Variants in SULT4A1 observed in about 807,000 individuals in gnomAD.
The protein encoded by SULT4A1 is sulfotransferase 4A1.
In SULT4A1, 11 loss-of-function variants were observed where a neutral mutation model predicts 35.2. The observed-to-expected ratio is 0.31, with a 90% confidence interval of 0.20 to 0.52. The LOEUF is 0.52. Among genes scored for constraint, SULT4A1 ranks in the 20% least tolerant of loss-of-function variants. The pLI, the probability that SULT4A1 is intolerant of heterozygous loss-of-function variation, is 0.97. For synonymous variants in SULT4A1, 152 were observed against 151.8 expected (o/e 1.00, Z -0.01); for missense variants, 271 against 383.7 (o/e 0.71, Z 2.45).
At chr22:43,848,689 G>A (rs1301293867) in intron 1 of SULT4A1, among the ~76,000 whole-genome samples, 2 of 152,214 alleles carry the variant, frequency 1.3e-5, no homozygotes, top group South Asian at 4.1e-4. Flanking sequence ...CAAACAGGGG[G>A]CATGGGGCTG....
chr22:43,838,778 C>T (rs531400853), intron 4 of SULT4A1, 89 bp downstream of exon 4: 1 of 1,560,036 alleles, frequency 6.4e-7, no homozygotes, highest in Non-Finnish European at 8.7e-7. Flanking sequence ...GAACTGGAGA[C>T]CGTGTCGGGG....
chr22:43,842,800 G>A (rs980140299), intron 1 of SULT4A1, among the ~76,000 whole-genome samples: 1 of 152,172 alleles, frequency 6.6e-6, no homozygotes, highest in East Asian at 1.9e-4. Flanking sequence ...AGGCGATTCC[G>A]GGGTCTAGAG....
At chr22:43,846,876 T>A (rs1424808241) in intron 1 of SULT4A1, among the ~76,000 whole-genome samples, 4 of 152,120 alleles carry the variant, frequency 2.6e-5, no homozygotes, top group Non-Finnish European at 4.4e-5. Context: ...GACATTTTCA[T>A]CACCTATTTT....
intron 6 of SULT4A1, chr22:43,826,594 A>C (rs1205229083): frequency 1.0e-6 from 1 of 985,268 alleles, no homozygotes; most frequent in Non-Finnish European, 1.2e-6. Context: ...AGTGCCACCA[A>C]GGCGTCATTG....
chr22:43,842,938 C>T (rs1603407405), intron 1 of SULT4A1, among the ~76,000 whole-genome samples: 1 of 150,940 alleles, frequency 6.6e-6, no homozygotes, highest in Non-Finnish European at 1.5e-5. Flanking sequence ...TAATATTGGA[C>T]CACTCCAGGC....
At chr22:43,851,386 T>C (rs1453256008) in intron 1 of SULT4A1, among the ~76,000 whole-genome samples, 1 of 152,220 alleles carries the variant, frequency 6.6e-6, no homozygotes, top group Non-Finnish European at 1.5e-5. Flanking sequence ...TTCTTTTTTC[T>C]GCTTTGTGTT....
At chr22:43,835,295 C>A (rs2063361527) in intron 4 of SULT4A1, among the ~76,000 whole-genome samples, 2 of 152,258 alleles carry the variant, frequency 1.3e-5, no homozygotes, top group South Asian at 2.1e-4. Context: ...CTGCCTGCCA[C>A]ATGCCGTGCC....
At chr22:43,838,699 T>G (rs1039061319) in intron 4 of SULT4A1, among the ~76,000 whole-genome samples, 168 bp downstream of exon 4, 1 of 152,182 alleles carries the variant, frequency 6.6e-6, no homozygotes, top group African/African-American at 2.4e-5. Flanking sequence ...TCGGCCACGT[T>G]CACGACCCTC....
chr22:43,851,906 G>A (rs1168201858), intron 1 of SULT4A1, among the ~76,000 whole-genome samples: 1 of 151,860 alleles, frequency 6.6e-6, no homozygotes, highest in East Asian at 1.9e-4. Context: ...CCTCACGACT[G>A]CGGCATTCAG....
intron 5 of SULT4A1, among the ~76,000 whole-genome samples, chr22:43,833,361 C>A (rs920964392): frequency 6.6e-6 from 1 of 152,186 alleles, no homozygotes; most frequent in Admixed American, 6.5e-5. Context: ...ACTCCAAAGG[C>A]CCCCTGATAA....
chr22:43,842,358 A>G (rs771236803), intron 1 of SULT4A1, among the ~76,000 whole-genome samples: 4 of 152,156 alleles, frequency 2.6e-5, no homozygotes, highest in Non-Finnish European at 2.9e-5. Context: ...CTATATACAC[A>G]TAGCCCATGA....
At chr22:43,836,656 C>A (rs1458537197) in intron 4 of SULT4A1, among the ~76,000 whole-genome samples, 2 of 141,034 alleles carry the variant, frequency 1.4e-5, no homozygotes, top group Admixed American at 7.0e-5. Flanking sequence ...CAGCGTCCTC[C>A]AACTGCAGGT....
rs2063431985 is a variant in SULT4A1 at position 43,841,796 on chromosome 22, G to A, written c.300+6C>T. 1 of 1,611,930 alleles carries A rather than the reference G, an allele frequency of 6.2e-7. No homozygotes were observed. Among genetic ancestry groups the A allele is most frequent in the Non-Finnish European group, 8.5e-7 (1 of 1,178,300 alleles). On this transcript the variant is annotated splice_donor_region_variant and intron_variant, in intron 2 of 6. Coordinates refer to ENST00000330884, the MANE Select transcript of SULT4A1 (RefSeq NM_014351.4). ...TGCTGGGACAGGTGCTGCTGGCCCT[G>A]GGTACCTTGATGATGTCCAGGCCCG...
In SULT4A1 at chr22:43,825,997, G is replaced by C. The variant is rs1490709352; in HGVS notation, c.*4C>G. 5.6e-6 allele frequency: 9 copies of C among 1,613,320 alleles called. No homozygotes were observed. Among genetic ancestry groups the C allele is most frequent in the Non-Finnish European group, 7.6e-6 (9 of 1,179,400 alleles). On this transcript the variant is annotated 3_prime_UTR_variant, in exon 7 of 7. Transcript: ENST00000330884. ...TGTGAGCATGCAGGTTGTTGTTTCT[G>C]TTATTATAAATAAAAGTCAAACGTG... is the stretch of plus-strand genomic sequence containing the variant.
At chr22:43,836,522 GCGTCCTCACAC>G (rs1569503338) in intron 4 of SULT4A1, among the ~76,000 whole-genome samples, 6 of 140,316 alleles carry the variant, frequency 4.3e-5, no homozygotes, top group African/African-American at 1.6e-4. Flanking sequence ...TGCCTACACA[GCGTCCTCACAC>G]TGCAGGTGCC....
At chr22:43,830,556 C>A (rs2063318055) in intron 5 of SULT4A1, among the ~76,000 whole-genome samples, 1 of 152,264 alleles carries the variant, frequency 6.6e-6, no homozygotes. Flanking sequence ...GAACTAGCGA[C>A]AGGGCCGCAG....
intron 1 of SULT4A1, among the ~76,000 whole-genome samples, chr22:43,850,559 G>C (rs780332196): frequency 6.6e-6 from 1 of 152,110 alleles, no homozygotes; most frequent in Non-Finnish European, 1.5e-5. Context: ...GTGGGTGTTC[G>C]CTCGATCCTG....
intron 1 of SULT4A1, among the ~76,000 whole-genome samples, chr22:43,848,611 C>T (rs1452051457): frequency 6.6e-6 from 1 of 152,204 alleles, no homozygotes; most frequent in Non-Finnish European, 1.5e-5. Flanking sequence ...CCCAGCAGGG[C>T]CAGGTGGGGC....
Position 43,827,257 on chromosome 22 carries a change from C to T in SULT4A1, c.743-1144G>A, listed in dbSNP as rs2063293529. 4 of 985,320 alleles carry T rather than the reference C, an allele frequency of 4.1e-6. No homozygotes were observed. The Admixed American group carries it at 1.8e-4, about 45-fold the overall frequency. The allele number at this position is 985,320 out of a possible 1,614,324, so 61.0% of individuals were successfully genotyped here. ...ACTAGCTCCGTTATTAACAGCGGTCCTTGTCCAGGCAGGACCTCAGGTTTT... is the reference window on the plus strand; with the variant it reads ...ACTAGCTCCGTTATTAACAGCGGTCTTTGTCCAGGCAGGACCTCAGGTTTT... On this transcript the variant is annotated intron_variant, in intron 6 of 6. Coordinates refer to ENST00000330884, the MANE Select transcript of SULT4A1 (RefSeq NM_014351.4).
Sources: gnomAD v4.1 joint callset for allele counts (sites outside exome capture counted in the v4.1 genomes callset) on GRCh38, gnomAD v4.1.1 for gene constraint, MANE v1.5 for transcripts, NCBI Gene and HGNC (gene_info 2026-07-23, HGNC 2026-07-21) for gene names.